The following RELN variants were observed in gnomAD, a reference collection of about 807,000 sequenced individuals.
The protein encoded by RELN is reelin.
RELN carries 108 observed loss-of-function variants against 427.6 expected under a neutral mutation model. The ratio of observed to expected loss-of-function variants is 0.25; its 90% CI spans 0.22 to 0.30. RELN has a LOEUF of 0.30. RELN is among the 10% of genes least tolerant of loss of function. RELN has a pLI of 1.00. For synonymous variants in RELN, 1,524 were observed against 1,513.4 expected, an observed-to-expected ratio of 1.01 and a Z score of -0.16; for missense variants, 3,715 against 4,302.8, an observed-to-expected ratio of 0.86 and a Z score of 3.82.
chr7:103,704,688 A>G (rs1834163839), intron 8 of RELN, among the ~76,000 whole-genome samples: 2 of 152,052 alleles, frequency 1.3e-5, no homozygotes, highest in South Asian at 4.1e-4. Flanking sequence ...TCTAAAAAAA[A>G]AAAAACTTTC....
rs1796735592 is a variant in RELN at position 103,970,177 on chromosome 7, C to G, written c.226+18954G>C. Among the ~76,000 whole-genome samples the G allele has an allele frequency of 2.7e-5, 4 of 149,958 alleles. No individual in the cohort carries two copies. The South Asian group carries it at 8.4e-4, about 32-fold the overall frequency. ...TTTTTTTTAGAGATGGAGTCTGGCT[C>G]AGTCACCCAGCCTGGAGTGCAGTGG... On this transcript the variant is annotated intron_variant, in intron 1 of 64. Transcript: ENST00000428762.
intron 43 of RELN, among the ~76,000 whole-genome samples, chr7:103,541,318 A>C (rs1830173476): frequency 6.6e-6 from 1 of 152,202 alleles, no homozygotes; most frequent in Non-Finnish European, 1.5e-5. Context: ...ATGCAGAATA[A>C]ATTTCATGTG....
chr7:103,951,689 A>T (rs7786563), intron 1 of RELN, among the ~76,000 whole-genome samples: 107,356 of 150,186 alleles, frequency 0.71, 39,446 homozygotes, highest in African/African-American at 0.91. Context: ...TTTTTTTTTT[A>T]AAATACAGAG....
intron 2 of RELN, among the ~76,000 whole-genome samples, chr7:103,857,879 CATCTTT>C (rs1793983016): frequency 6.6e-6 from 1 of 152,132 alleles, no homozygotes; most frequent in Non-Finnish European, 1.5e-5. Context: ...AAAAAAGCCA[CATCTTT>C]AAGACTTTGC....
Position 103,523,517 on chromosome 7 carries a change from C to T in RELN, c.7364G>A (p.Arg2455His), listed in dbSNP as rs201860717. The change falls in exon 47 of 65, where the codon CGT becomes CAT. Residue 2455 changes from arginine (R) to histidine (H), a missense_variant. By Grantham distance (29) the Arg-to-His change is conservative. Transcript: ENST00000428762. ...LPPYTRSQAT[R>H]FRWHQPAPFD... ...AGGAGCTGGTTGATGCCAACGGAAA[C>T]GAGTGGCTTGGGACCTTTGAAGAAG... is the stretch of plus-strand genomic sequence containing the variant. 6.2e-7 allele frequency: 1 copy of T among 1,613,966 alleles called. No individual in the cohort carries two copies. Among genetic ancestry groups the T allele is most frequent in the Non-Finnish European group, 8.5e-7 (1 of 1,180,010 alleles).
At chr7:103,663,826 C>A (rs954729441) in intron 11 of RELN, among the ~76,000 whole-genome samples, 1 of 152,186 alleles carries the variant, frequency 6.6e-6, no homozygotes, top group African/African-American at 2.4e-5. Flanking sequence ...ACTTTAAATG[C>A]CCAAAATATT....
At chr7:103,722,448 C>A (rs1790100811) in intron 8 of RELN, among the ~76,000 whole-genome samples, 1 of 152,062 alleles carries the variant, frequency 6.6e-6, no homozygotes, top group African/African-American at 2.4e-5. Context: ...ACCTAGGCCC[C>A]ATTAAAAGAC....
chr7:103,869,224 A>T (rs1794271241), intron 2 of RELN, among the ~76,000 whole-genome samples: 1 of 152,112 alleles, frequency 6.6e-6, no homozygotes, highest in South Asian at 2.1e-4. Context: ...GTGATACAAT[A>T]AACAGGCATC....
At chr7:103,984,021 TATAAC>T (rs1475640577) in intron 1 of RELN, among the ~76,000 whole-genome samples, 18 of 152,300 alleles carry the variant, frequency 1.2e-4, no homozygotes, top group African/African-American at 2.4e-4. Context: ...AGATTAAAGA[TATAAC>T]ATAAGTTTCA....
chr7:103,857,157 A>G (rs1793967130), intron 2 of RELN, among the ~76,000 whole-genome samples: 1 of 152,144 alleles, frequency 6.6e-6, no homozygotes, highest in Admixed American at 6.6e-5. Context: ...CCAAGCAGAG[A>G]TTAGGTCTGC....
intron 24 of RELN, among the ~76,000 whole-genome samples, chr7:103,598,331 AT>A (rs1229116136): frequency 6.6e-6 from 1 of 152,256 alleles, no homozygotes; most frequent in African/African-American, 2.4e-5. Context: ...ATGCCTTTTA[AT>A]TTTTCCTGTT....
intron 2 of RELN, among the ~76,000 whole-genome samples, chr7:103,842,567 A>G (rs1443683322): frequency 2.0e-5 from 3 of 152,222 alleles, no homozygotes; most frequent in Non-Finnish European, 2.9e-5. Context: ...GAAAATAGGT[A>G]TGAAAACAAT....
At chr7:103,566,890 C>G in intron 31 of RELN, 131 bp from the exon 32 acceptor site, 1 of 851,304 alleles carries the variant, frequency 1.2e-6, no homozygotes, top group Middle Eastern at 2.2e-4. Context: ...TGTGTAACTT[C>G]CAAGGAATGA....
chr7:103,909,551 G>A (rs1438091604), intron 2 of RELN, among the ~76,000 whole-genome samples: 1 of 144,638 alleles, frequency 6.9e-6, no homozygotes, highest in Non-Finnish European at 1.5e-5. Flanking sequence ...ATGTTGTAGT[G>A]AGCTCAGATT....
intron 3 of RELN, among the ~76,000 whole-genome samples, chr7:103,781,045 T>C (rs530447504): frequency 5.3e-5 from 8 of 152,132 alleles, no homozygotes; most frequent in South Asian, 4.2e-4. Context: ...AACCCTCAGA[T>C]AACATTTTAA....
chr7:103,734,172 C>T (rs1790433923), intron 6 of RELN, among the ~76,000 whole-genome samples: 1 of 152,118 alleles, frequency 6.6e-6, no homozygotes, highest in African/African-American at 2.4e-5. Context: ...CTCATGTTCT[C>T]AGGAAAATGT....
chr7:103,598,937 C>T (rs929056096), intron 24 of RELN, among the ~76,000 whole-genome samples: 2 of 152,078 alleles, frequency 1.3e-5, no homozygotes, highest in Admixed American at 6.6e-5. Context: ...TGTGTGTGTG[C>T]GCATATGTGT....
intron 1 of RELN, among the ~76,000 whole-genome samples, chr7:103,986,222 T>C (rs955411537): frequency 1.3e-5 from 2 of 151,996 alleles, no homozygotes; most frequent in African/African-American, 4.8e-5. Context: ...ATTTAAAAGA[T>C]ATATGAAGAT....
chr7:103,728,203 C>A lies in RELN; in HGVS notation c.661G>T (p.Glu221Ter). 1 of 1,613,704 alleles carries A rather than the reference C, an allele frequency of 6.2e-7. No individual in the cohort carries two copies. The highest frequency in any genetic ancestry group is 8.5e-7 in the Non-Finnish European group (1 of 1,179,808). ...QLQLNPNIWV[E>*]CNNCETGEQC... ...TCTCCAGTCTCACAGTTGTTACATTCAACCCTGCAGGAAAACAGAACACAG... is the reference window on the plus strand; with the variant it reads ...TCTCCAGTCTCACAGTTGTTACATTAAACCCTGCAGGAAAACAGAACACAG... The change falls in exon 7 of 65, where the codon GAA becomes TAA. Residue 221 changes from glutamate (E) to a stop codon, truncating the protein, a stop_gained. Coordinates refer to ENST00000428762, the MANE Select transcript of RELN (RefSeq NM_005045.4). LOFTEE classifies it high-confidence loss of function.
Sources: gnomAD v4.1 joint callset for allele counts (sites outside exome capture counted in the v4.1 genomes callset) on GRCh38, gnomAD v4.1.1 for gene constraint, MANE v1.5 for transcripts, NCBI Gene and HGNC (gene_info 2026-07-23, HGNC 2026-07-21) for gene names.